Variants in TENT5D observed in about 807,000 individuals in gnomAD.
TENT5D encodes cancer/testis antigen 112.
For synonymous variants in TENT5D, 103 were observed against 100.6 expected (o/e 1.02, Z -0.15); for missense variants, 191 against 287.0 (o/e 0.67, Z 2.42).
At chrX:80,397,035 C>T (rs1205802366) in intron 3 of TENT5D, among the ~76,000 whole-genome samples, 2 of 97,371 alleles carry the variant, frequency 2.1e-5, no homozygotes, top group African/African-American at 7.7e-5. Flanking sequence ...GGGGGCTGAC[C>T]CCCACCTCCC....
At chrX:80,436,757 A>G (rs945074728) in intron 1 of TENT5D, among the ~76,000 whole-genome samples, 1 of 111,358 alleles carries the variant, frequency 9.0e-6, no homozygotes, top group Non-Finnish European at 1.9e-5. Flanking sequence ...TCCATGGTGT[A>G]TATGTGCCAC....
At chrX:80,408,866 C>T (rs1329166145) in intron 3 of TENT5D, among the ~76,000 whole-genome samples, 4 of 109,633 alleles carry the variant, frequency 3.6e-5, no homozygotes, top group South Asian at 4.0e-4. Flanking sequence ...ACTGGCAAAC[C>T]GAATCCAGCA....
chrX:80,402,937 A>T (rs1257256562), intron 3 of TENT5D, among the ~76,000 whole-genome samples: 1 of 111,864 alleles, frequency 8.9e-6, no homozygotes, highest in African/African-American at 3.3e-5. Context: ...TTTGCTTATT[A>T]ATTTTATGTC....
At chrX:80,367,103 C>G (rs1206715578) in intron 3 of TENT5D, among the ~76,000 whole-genome samples, 1 of 111,647 alleles carries the variant, frequency 9.0e-6, no homozygotes, top group Non-Finnish European at 1.9e-5. Context: ...ATCTATCACA[C>G]TTTTAAACCC....
intron 3 of TENT5D, among the ~76,000 whole-genome samples, chrX:80,397,202 C>T (rs1166545166): frequency 1.9e-5 from 2 of 105,484 alleles, no homozygotes; most frequent in African/African-American, 7.0e-5. Flanking sequence ...AGGGTCTCCT[C>T]ACTTCTCAGA....
At chrX:80,431,324 A>T (rs1448920622) in intron 1 of TENT5D, among the ~76,000 whole-genome samples, 1 of 111,305 alleles carries the variant, frequency 9.0e-6, no homozygotes, top group East Asian at 2.8e-4. Context: ...GGAACTAGAA[A>T]TTTGGGGCAA....
chrX:80,386,327 G>A (rs138994731), intron 3 of TENT5D, among the ~76,000 whole-genome samples: 6,255 of 110,489 alleles, frequency 0.057, 205 homozygotes, highest in Middle Eastern at 0.12. Context: ...ACAATGGCAT[G>A]TTCTCACTCA....
At chrX:80,379,536 C>G (rs754731761) in intron 3 of TENT5D, among the ~76,000 whole-genome samples, 1 of 111,032 alleles carries the variant, frequency 9.0e-6, no homozygotes, top group African/African-American at 3.3e-5. Flanking sequence ...AGGAATGGTA[C>G]CAGCTCCTCT....
At chrX:80,382,726 G>A (rs1930897537) in intron 3 of TENT5D, among the ~76,000 whole-genome samples, 1 of 108,837 alleles carries the variant, frequency 9.2e-6, no homozygotes, top group Admixed American at 9.8e-5. Context: ...CTGCCAGGCT[G>A]CTGCCTCGCA....
At chrX:80,407,692 C>T (rs1164527319) in intron 3 of TENT5D, among the ~76,000 whole-genome samples, 3 of 108,474 alleles carry the variant, frequency 2.8e-5, no homozygotes, top group South Asian at 4.1e-4. Context: ...GACAGATCAA[C>T]GAGACAGAAA....
chrX:80,422,416 T>C (rs1346741567), intron 1 of TENT5D, among the ~76,000 whole-genome samples: 1 of 112,011 alleles, frequency 8.9e-6, no homozygotes, highest in East Asian at 2.8e-4. Context: ...GACATTGCAG[T>C]GAGCTGAGAT....
intron 1 of TENT5D, among the ~76,000 whole-genome samples, chrX:80,425,952 G>A (rs1429248007): frequency 4.5e-5 from 5 of 110,475 alleles, no homozygotes; most frequent in African/African-American, 6.6e-5. Context: ...ACTTGAATCC[G>A]GGAGGCAGAG....
intron 1 of TENT5D, among the ~76,000 whole-genome samples, chrX:80,427,957 GA>G (rs1005233663): frequency 1.8e-5 from 2 of 111,674 alleles, no homozygotes; most frequent in African/African-American, 3.3e-5. Context: ...ACGTTTTCCA[GA>G]AAAACAAATT....
intron 1 of TENT5D, among the ~76,000 whole-genome samples, chrX:80,432,335 C>T (rs891886995): frequency 9.0e-6 from 1 of 111,195 alleles, no homozygotes; most frequent in Non-Finnish European, 1.9e-5. Flanking sequence ...TCCGGCCTCA[C>T]GTGACAGCTA....
chrX:80,357,192 T>C (rs1465554678), intron 3 of TENT5D, among the ~76,000 whole-genome samples: 2 of 112,307 alleles, frequency 1.8e-5, no homozygotes. Flanking sequence ...TCCAAATCTT[T>C]GCTATTGTGA....
At chrX:80,366,120 G>A (rs1930505552) in intron 3 of TENT5D, among the ~76,000 whole-genome samples, 1 of 109,850 alleles carries the variant, frequency 9.1e-6, no homozygotes, top group Non-Finnish European at 1.9e-5. Context: ...GTTAAGAAAA[G>A]TTGACAGTAT....
At chrX:80,346,907 T>G (rs1930074701) in intron 3 of TENT5D, among the ~76,000 whole-genome samples, 1 of 111,094 alleles carries the variant, frequency 9.0e-6, no homozygotes, top group South Asian at 3.8e-4. Flanking sequence ...TGGCTCCCAC[T>G]TATGAGTGAG....
At chrX:80,356,808 C>T (rs57546055) in intron 3 of TENT5D, among the ~76,000 whole-genome samples, 4 of 110,345 alleles carry the variant, frequency 3.6e-5, no homozygotes, top group Admixed American at 2.9e-4. Flanking sequence ...ATGTGCACAA[C>T]GTGCAGGTTT....
At position 80,430,155 on chromosome X, in the gene TENT5D, A is replaced by T. The variant is rs1214708745; in HGVS notation, c.-141-8455A>T. The stretch of plus-strand genomic sequence containing the variant: ...GCTAGGAGTAAAAAAACATTTCCCC[A>T]TGCAAGATTAAACACTTGGGTTAGA... On this transcript the variant is annotated intron_variant, in intron 1 of 2. Transcript: ENST00000308293. Among the ~76,000 whole-genome samples, 3 of 111,748 alleles carry T rather than the reference A, an allele frequency of 2.7e-5. No individual in the cohort carries two copies. The Admixed American group carries it at 2.8e-4, about 11-fold the overall frequency.
Sources: allele counts gnomAD v4.1 joint callset (sites outside exome capture counted in the v4.1 genomes callset), GRCh38; gene constraint gnomAD v4.1.1; transcripts MANE v1.5; gene names NCBI Gene and HGNC (gene_info 2026-07-23, HGNC 2026-07-21).